Variants in HEXIM2 observed in about 807,000 individuals in gnomAD.
The protein encoded by HEXIM2 is HEXIM P-TEFb complex subunit 2, also known as protein HEXIM2.
For missense variants in HEXIM2, 413 were observed against 390.8 expected (o/e 1.06, Z -0.48); for synonymous variants, 159 against 162.7 (o/e 0.98, Z 0.17).
At chr17:45,165,955 C>T (rs1020965508) in intron 3 of HEXIM2, among the ~76,000 whole-genome samples, 11 of 150,486 alleles carry the variant, frequency 7.3e-5, no homozygotes, top group African/African-American at 2.0e-4. Flanking sequence ...CCACCACACC[C>T]GGCCAATTTT....
At chr17:45,163,587 G>A (rs2042762352) in intron 3 of HEXIM2, among the ~76,000 whole-genome samples, 1 of 152,298 alleles carries the variant, frequency 6.6e-6, no homozygotes, top group African/African-American at 2.4e-5. Context: ...AGGAAGAAGA[G>A]TTTTTGGTTC....
chr17:45,160,521 A>C (rs867949807), upstream of HEXIM2, among the ~76,000 whole-genome samples: 1 of 152,054 alleles, frequency 6.6e-6, no homozygotes, highest in Admixed American at 6.6e-5. Context: ...CCATTTCTCT[A>C]AAAGTTGTGT....
intron 3 of HEXIM2, among the ~76,000 whole-genome samples, chr17:45,166,911 G>C (rs1278672837): frequency 1.3e-5 from 2 of 150,498 alleles, no homozygotes; most frequent in Non-Finnish European, 2.9e-5. Flanking sequence ...TGTGATCCCA[G>C]CTACTCTGGA....
At position 45,169,653 on chromosome 17, in the gene HEXIM2, G is replaced by A. The variant is rs1017265661; in HGVS notation, c.705G>A (p.Gln235=). 2.0e-6 allele frequency: 3 copies of A among 1,533,750 alleles called. No homozygotes were observed. In the South Asian group the frequency reaches 3.6e-5, roughly 18 times the overall value. ...CGGAGGAGGAGACTAGGAGGCTGCA[G>A]CAGCTGCAGGCGTGCACCGGCCAGC... ...SQAEEETRRL[Q]QLQACTGQQS... Residue 235 remains glutamine, a synonymous_variant, in exon 4 of 4, where the codon CAG becomes CAA. Coordinates refer to ENST00000589230, the MANE Select transcript of HEXIM2 (RefSeq NM_001303441.2).
At chr17:45,160,723 G>A (rs752774254), upstream of HEXIM2, 2 of 392,850 alleles carry the variant, frequency 5.1e-6, no homozygotes, top group Non-Finnish European at 1.0e-5. Flanking sequence ...TTCACCAAGA[G>A]GCTGGCGACA....
At chr17:45,168,203 C>T (rs2042917260) in intron 3 of HEXIM2, among the ~76,000 whole-genome samples, 1 of 149,332 alleles carries the variant, frequency 6.7e-6, no homozygotes, top group Admixed American at 6.7e-5. Context: ...TATTTTAGGC[C>T]TTGCGCGGTG....
chr17:45,160,861 G>A (rs908036085), upstream of HEXIM2: 14 of 1,267,198 alleles, frequency 1.1e-5, no homozygotes, highest in African/African-American at 1.5e-4. Context: ...CTCCCAGGGG[G>A]AATTAGTGGT....
intron 3 of HEXIM2, among the ~76,000 whole-genome samples, chr17:45,168,031 G>A (rs147533516): frequency 0.012 from 1,835 of 151,136 alleles, 19 homozygotes; most frequent in Middle Eastern, 0.049. Context: ...TCACAGGCAC[G>A]TGCCACCACG....
At chr17:45,164,749 A>G (rs1455343622) in intron 3 of HEXIM2, among the ~76,000 whole-genome samples, 1 of 152,190 alleles carries the variant, frequency 6.6e-6, no homozygotes, top group Non-Finnish European at 1.5e-5. Flanking sequence ...GGCAACAGGA[A>G]CCCATGCTTG....
At chr17:45,166,569 C>T (rs2042848137) in intron 3 of HEXIM2, among the ~76,000 whole-genome samples, 2 of 152,120 alleles carry the variant, frequency 1.3e-5, no homozygotes, top group South Asian at 4.1e-4. Flanking sequence ...TGCGTTCTCA[C>T]ATGAGGAAGA....
chr17:45,164,473 CAAAA>C (rs544958644), intron 3 of HEXIM2, among the ~76,000 whole-genome samples: 22 of 150,590 alleles, frequency 1.5e-4, no homozygotes, highest in African/African-American at 3.2e-4. Context: ...ACCAAAAAAA[CAAAA>C]AAACCTGAAA....
At chr17:45,166,098 G>A (rs535562553) in intron 3 of HEXIM2, among the ~76,000 whole-genome samples, 2 of 149,086 alleles carry the variant, frequency 1.3e-5, no homozygotes, top group African/African-American at 4.9e-5. Context: ...CGCCCGGCCC[G>A]CTGCATCTTC....
chr17:45,162,718 A>G (rs757202805), intron 2 of HEXIM2, 32 bp from the exon 3 acceptor site: 44 of 1,609,792 alleles, frequency 2.7e-5, no homozygotes, highest in Non-Finnish European at 3.4e-5. Context: ...ACGTTCCTTC[A>G]GGATTTAGGT....
upstream of HEXIM2, chr17:45,161,232 G>A (rs2042674394): frequency 5.7e-6 from 2 of 352,384 alleles, 1 homozygote; most frequent in South Asian, 4.2e-5. Context: ...CCCTTCTGGG[G>A]TCTCGGGAAA....
upstream of HEXIM2, chr17:45,161,353 C>G (rs2042682146): frequency 1.0e-5 from 2 of 199,244 alleles, no homozygotes; most frequent in Non-Finnish European, 2.2e-5. Context: ...TTCACCCTCC[C>G]TGGCCCCCGG....
chr17:45,161,093 C>G (rs1170208468), upstream of HEXIM2: 1 of 550,732 alleles, frequency 1.8e-6, no homozygotes, highest in African/African-American at 1.9e-5. Context: ...AAGTGGGAGT[C>G]CCTCTGTGCG....
upstream of HEXIM2, among the ~76,000 whole-genome samples, chr17:45,160,286 C>CT (rs35243030): frequency 6.6e-6 from 1 of 152,050 alleles, no homozygotes; most frequent in Non-Finnish European, 1.5e-5. Flanking sequence ...AAACTGGTTT[C>CT]TTTTTTGGTA....
chr17:45,169,555 G>A lies in HEXIM2; in HGVS notation c.607G>A (p.Glu203Lys), dbSNP rs868232896. The A allele has an allele frequency of 8.3e-6, 13 of 1,563,848 alleles. No homozygotes were observed. Among genetic ancestry groups the A allele is most frequent in the African/African-American group, 6.8e-5 (5 of 73,422 alleles). Reference protein sequence around the residue: ...FSETYERFHTESLQGRSKQEL... With the variant: ...FSETYERFHTKSLQGRSKQEL... ...TGAGACTTACGAACGCTTCCACACC[G>A]AGAGCCTGCAGGGCCGCAGCAAGCA... Residue 203 changes from glutamate to lysine, a missense_variant, in exon 4 of 4, where the codon GAG becomes AAG. By Grantham distance (56) the Glu-to-Lys change is moderately conservative (BLOSUM62 1). Coordinates refer to ENST00000589230, the MANE Select transcript of HEXIM2 (RefSeq NM_001303441.2).
chr17:45,169,178 C>T lies in HEXIM2; in HGVS notation c.230C>T (p.Pro77Leu), dbSNP rs2042952435. 1.9e-6 allele frequency: 3 copies of T among 1,613,772 alleles called. No homozygotes were observed. The highest frequency in any genetic ancestry group is 2.5e-6 in the Non-Finnish European group (3 of 1,180,042). Residue 77 changes from proline (P) to leucine (L), a missense_variant, in exon 4 of 4, where the codon CCA (proline) becomes CTA (leucine). Pro to Leu is a moderately conservative substitution (Grantham distance 98). Transcript: ENST00000589230. ...AGTAGGAGTCCCCGGACCCAGAGCCCAGGGGGCTGCTCAGCGGAGGCTGTG... is the reference window on the plus strand; with the variant it reads ...AGTAGGAGTCCCCGGACCCAGAGCCTAGGGGGCTGCTCAGCGGAGGCTGTG... ...WNSRSPRTQS[P>L]GGCSAEAVLA...
Sources: allele counts gnomAD v4.1 joint callset (sites outside exome capture counted in the v4.1 genomes callset), GRCh38; gene constraint gnomAD v4.1.1; transcripts MANE v1.5; gene names NCBI Gene and HGNC (gene_info 2026-07-23, HGNC 2026-07-21).